CUL5: variants seen among roughly 807,000 people sequenced by gnomAD.
CUL5 encodes the protein cullin-5.
In CUL5, 26 loss-of-function variants were observed where a neutral mutation model predicts 108.8. That is an observed-to-expected ratio of 0.24 (90% CI 0.18 to 0.33). The LOEUF is 0.33. Ranked by LOEUF, CUL5 falls within the 10% of genes least tolerant of loss-of-function variation. The pLI, the probability that CUL5 is intolerant of heterozygous loss-of-function variation, is 1.00. For synonymous variants in CUL5, 334 were observed against 298.0 expected, an observed-to-expected ratio of 1.12 and a Z score of -1.25; for missense variants, 524 against 909.2, an observed-to-expected ratio of 0.58 and a Z score of 5.45.
chr11:108,097,780 A>T, intron 17 of CUL5, 26 bp downstream of exon 17: 1 of 1,254,374 alleles, frequency 8.0e-7, no homozygotes, highest in Non-Finnish European at 1.1e-6. Flanking sequence ...GATCTAAAAT[A>T]AAAACACCTT....
chr11:108,080,023 A>T (rs1186878948), intron 11 of CUL5, among the ~76,000 whole-genome samples: 1 of 151,526 alleles, frequency 6.6e-6, no homozygotes, highest in East Asian at 1.9e-4. Context: ...TGTTCTTTTA[A>T]CTTTAGTCAT....
chr11:108,094,846 C>A lies in CUL5; in HGVS notation c.1602C>A (p.Gly534=). 6.2e-7 allele frequency: 1 copy of A among 1,607,130 alleles called. No homozygotes were observed. Among genetic ancestry groups the A allele is most frequent in the Non-Finnish European group, 8.5e-7 (1 of 1,177,050 alleles). The change falls in exon 15 of 19, where the codon GGC becomes GGA. Residue 534 remains glycine, a synonymous_variant. Coordinates refer to ENST00000393094, the MANE Select transcript of CUL5 (RefSeq NM_003478.6). ...DSVNIKILNA[G]AWSRSSEKVF... ...TTAATATAAAAATTCTGAATGCTGG[C>A]GCCTGGTCAAGAAGTTCTGAGAAAG...
chr11:108,082,227 T>TCCTTCC (rs1001470737), intron 11 of CUL5, among the ~76,000 whole-genome samples: 5 of 151,836 alleles, frequency 3.3e-5, no homozygotes, highest in African/African-American at 9.7e-5. Flanking sequence ...TCCTTTCTTT[T>TCCTTCC]CCTTCCCCTT....
chr11:108,027,040 A>G (rs1480317169), intron 1 of CUL5, among the ~76,000 whole-genome samples: 1 of 151,830 alleles, frequency 6.6e-6, no homozygotes, highest in Non-Finnish European at 1.5e-5. Flanking sequence ...CACCCTATCA[A>G]TTACCATGCC....
chr11:108,080,111 CT>C (rs34618859), intron 11 of CUL5, among the ~76,000 whole-genome samples: 34,952 of 116,544 alleles, frequency 0.3, 4,572 homozygotes, highest in African/African-American at 0.36. Flanking sequence ...AATTTTTCAT[CT>C]TTTTTTTTTT....
At chr11:108,102,827 A>G (rs1018628126) in intron 18 of CUL5, among the ~76,000 whole-genome samples, 1 of 152,162 alleles carries the variant, frequency 6.6e-6, no homozygotes, top group Non-Finnish European at 1.5e-5. Context: ...TTTGTTTTGG[A>G]GACAGGGTCT....
intron 2 of CUL5, among the ~76,000 whole-genome samples, chr11:108,043,053 A>C (rs532918908): frequency 6.6e-6 from 1 of 152,132 alleles, no homozygotes; most frequent in Non-Finnish European, 1.5e-5. Context: ...ATGAGCCGCC[A>C]TGCCCGGCCT....
chr11:108,056,865 A>C (rs1206753880), intron 7 of CUL5, among the ~76,000 whole-genome samples: 2 of 152,216 alleles, frequency 1.3e-5, no homozygotes, highest in South Asian at 2.1e-4. Context: ...GCTAGATATC[A>C]CAGAGAATCA....
In CUL5 at chr11:108,104,348, T is replaced by C. The variant is rs774294553; in HGVS notation, c.2307T>C (p.Asp769=). 2 of 1,577,322 alleles carry C rather than the reference T, an allele frequency of 1.3e-6. No individual in the cohort carries two copies. The highest frequency in any genetic ancestry group is 8.6e-7 in the Non-Finnish European group (1 of 1,167,450). ...WLIEHKYIRR[D]ESDINTFIYM... The stretch of plus-strand genomic sequence containing the variant: ...TAGAGCACAAATACATCAGAAGAGA[T>C]GAATCTGATATCAACACTTTCATAT... The change falls in exon 19 of 19, where the codon GAT becomes GAC. Residue 769 remains aspartate, a synonymous_variant. Transcript: ENST00000393094.
At chr11:108,033,513 C>T (rs939918439) in intron 1 of CUL5, among the ~76,000 whole-genome samples, 2 of 152,174 alleles carry the variant, frequency 1.3e-5, no homozygotes, top group Non-Finnish European at 2.9e-5. Flanking sequence ...TTAGACGTAA[C>T]TTTCTAAGTG....
intron 18 of CUL5, among the ~76,000 whole-genome samples, chr11:108,099,227 A>G (rs1195027678): frequency 6.6e-6 from 1 of 151,804 alleles, no homozygotes; most frequent in Non-Finnish European, 1.5e-5. Context: ...CTGGTCTCGA[A>G]CTCCTGGGCT....
intron 11 of CUL5, among the ~76,000 whole-genome samples, chr11:108,080,837 T>C (rs941207477): frequency 2.0e-5 from 3 of 152,230 alleles, no homozygotes; most frequent in Non-Finnish European, 1.5e-5. Context: ...ATTTTCTTGA[T>C]ACTATCCTTT....
chr11:108,084,851 A>G (rs1191166890), intron 11 of CUL5: 1 of 152,262 alleles, frequency 6.6e-6, no homozygotes, highest in Non-Finnish European at 1.5e-5. Flanking sequence ...AATTGGAATC[A>G]TATTGTTGGT....
intron 7 of CUL5, among the ~76,000 whole-genome samples, chr11:108,057,382 G>A (rs1260518968): frequency 6.6e-6 from 1 of 152,050 alleles, no homozygotes; most frequent in Non-Finnish European, 1.5e-5. Flanking sequence ...TCAAAGTATC[G>A]TCCCCAAGAT....
chr11:108,078,989 T>C (rs1864003946), intron 11 of CUL5, among the ~76,000 whole-genome samples: 1 of 152,164 alleles, frequency 6.6e-6, no homozygotes, highest in Admixed American at 6.6e-5. Flanking sequence ...ATGTTCTCTT[T>C]TATAAACTGT....
intron 1 of CUL5, among the ~76,000 whole-genome samples, chr11:108,016,068 C>A (rs1177669442): frequency 6.6e-6 from 1 of 152,054 alleles, no homozygotes; most frequent in Non-Finnish European, 1.5e-5. Flanking sequence ...ACTACAGGCA[C>A]ATACCACCCT....
At chr11:108,011,458 C>T (rs995007298) in intron 1 of CUL5, among the ~76,000 whole-genome samples, 2 of 151,964 alleles carry the variant, frequency 1.3e-5, no homozygotes, top group South Asian at 2.1e-4. Flanking sequence ...TTTAAAAGCT[C>T]ACAAGAATTT....
chr11:108,086,586 A>G (rs1864227296), intron 11 of CUL5, among the ~76,000 whole-genome samples: 1 of 152,234 alleles, frequency 6.6e-6, no homozygotes, highest in Non-Finnish European at 1.5e-5. Context: ...CTAAGGGAAT[A>G]CAGAAAGACT....
intron 7 of CUL5, among the ~76,000 whole-genome samples, chr11:108,060,418 G>A (rs1863504278): frequency 6.6e-6 from 1 of 152,196 alleles, no homozygotes; most frequent in South Asian, 2.1e-4. Context: ...CTCTTACGTT[G>A]TAGCTGAGGC....
Sources: gnomAD v4.1 joint callset for allele counts (sites outside exome capture counted in the v4.1 genomes callset) on GRCh38, gnomAD v4.1.1 for gene constraint, MANE v1.5 for transcripts, NCBI Gene and HGNC (gene_info 2026-07-23, HGNC 2026-07-21) for gene names.